Variants in PRTG observed in about 807,000 individuals in gnomAD.
PRTG encodes the protein immunoglobulin superfamily, DCC subclass, member 5.
PRTG carries 67 observed loss-of-function variants against 122.5 expected under a neutral mutation model. The observed-to-expected ratio is 0.55, with a 90% CI of 0.45 to 0.67. The LOEUF (loss-of-function observed/expected upper bound fraction) is 0.67, where lower values mean the gene tolerates loss of function less well. PRTG is among the 30% of genes least tolerant of loss of function. The pLI is 0.00. For synonymous variants in PRTG, 554 were observed against 501.1 expected (o/e 1.11, Z -1.41); for missense variants, 1,435 against 1,415.4 (o/e 1.01, Z -0.22).
intron 3 of PRTG, among the ~76,000 whole-genome samples, chr15:55,683,196 T>A (rs569080973): frequency 4.6e-5 from 7 of 151,958 alleles, no homozygotes; most frequent in East Asian, 1.9e-4. Context: ...TTTTTTTTTT[T>A]AAATAAAGCA....
Position 55,630,282 on chromosome 15 carries a change from G to A in PRTG, c.2624-1278C>T, listed in dbSNP as rs988837022. On this transcript the variant is annotated intron_variant, in intron 15 of 19. Transcript: ENST00000389286. The stretch of plus-strand genomic sequence containing the variant: ...ATTACAGGCATGAGCCACCACGCCC[G>A]GCCAATTCTTTTGTATTTTTAATAG... Among the ~76,000 whole-genome samples, 5 of 151,544 alleles carry A rather than the reference G, an allele frequency of 3.3e-5. No homozygotes were observed. In the East Asian group the frequency reaches 5.8e-4, roughly 18 times the overall value.
chr15:55,720,957 G>A lies in PRTG; in HGVS notation c.397+19425C>T, dbSNP rs546257068. On this transcript the variant is annotated intron_variant, in intron 2 of 19. Coordinates refer to ENST00000389286, the MANE Select transcript of PRTG (RefSeq NM_173814.6). Reference sequence around the variant, plus strand: ...GCTTTCTTGGATCACCTGCTGGATGGTCCACCTAGACATCCCACAGTCACC... The same window carrying A: ...GCTTTCTTGGATCACCTGCTGGATGATCCACCTAGACATCCCACAGTCACC... Among the ~76,000 whole-genome samples the A allele has an allele frequency of 2.0e-5, 3 of 152,030 alleles. No individual in the cohort carries two copies. The South Asian group carries it at 6.3e-4, about 32-fold the overall frequency.
intron 2 of PRTG, among the ~76,000 whole-genome samples, chr15:55,727,582 G>C (rs1413602197): frequency 6.6e-6 from 1 of 152,152 alleles, no homozygotes; most frequent in Non-Finnish European, 1.5e-5. Flanking sequence ...GACTGCCTGA[G>C]GTGAGGAATT....
At chr15:55,728,372 C>A (rs1230810004) in intron 2 of PRTG, among the ~76,000 whole-genome samples, 1 of 151,994 alleles carries the variant, frequency 6.6e-6, no homozygotes, top group East Asian at 1.9e-4. Flanking sequence ...AAACTGTTAG[C>A]AAACCAAGTC....
Position 55,680,494 on chromosome 15 carries a change from G to A in PRTG, c.811C>T (p.Leu271Phe). The A allele has an allele frequency of 6.3e-7, 1 of 1,585,086 alleles. No homozygotes were observed. ...NPKPIISWSR[L>F]DHKSIDVFNT... is the part of the protein sequence containing the mutation. ...TTTTTTTCCTGAGAAGACTTACCAA[G>A]GCGGCTCCAAGAAATGATTGGTTTG... Residue 271 changes from leucine (L) to phenylalanine (F), a missense_variant, in exon 5 of 20, where the codon CTT (leucine) becomes TTT (phenylalanine). Coordinates refer to ENST00000389286, the MANE Select transcript of PRTG (RefSeq NM_173814.6).
At position 55,614,251 on chromosome 15, in the gene PRTG, A is replaced by C. The variant is rs1279471392; in HGVS notation, c.*5761T>G. On this transcript the variant is annotated 3_prime_UTR_variant, in exon 20 of 20. Transcript: ENST00000389286. ...GGAAAAGGCCGATTGGAACCAAAAA[A>C]GAATGACAAGAAAGATCAAATTTCC... 6.6e-6 allele frequency: 1 copy of C among 152,134 alleles called. No individual in the cohort carries two copies. Among genetic ancestry groups the C allele is most frequent in the Non-Finnish European group, 1.5e-5 (1 of 67,980 alleles). 9.4% of individuals were successfully genotyped at this position (152,134 alleles called of 1,614,324 possible).
rs902621674 is a variant in PRTG at position 55,624,480 on chromosome 15, C to T, written c.2955G>A (p.Gln985=). ...TACGAGGTAACTGTTGAGTTCCATT[C>T]TGTGCCGTCTTGGAAGCAGATGATT... ...ARKSSASKTA[Q]NGTQQLPRTS... Residue 985 remains glutamine (Q), a synonymous_variant, in exon 18 of 20, where the codon CAG becomes CAA. Transcript: ENST00000389286. 5.0e-6 allele frequency: 8 copies of T among 1,613,092 alleles called. No homozygotes were observed. Among genetic ancestry groups the T allele is most frequent in the African/African-American group, 2.7e-5 (2 of 75,026 alleles).
In PRTG at chr15:55,741,825, G is replaced by T. The variant is rs531016801; in HGVS notation, c.94+1013C>A. On this transcript the variant is annotated intron_variant, in intron 1 of 19. Coordinates refer to ENST00000389286, the MANE Select transcript of PRTG (RefSeq NM_173814.6). Reference sequence around the variant, plus strand: ...ACCCTAACAGCCCAGCGCTGTGCGCGGACCACTCCGGAAGGCGCCCATTGT... The same window carrying T: ...ACCCTAACAGCCCAGCGCTGTGCGCTGACCACTCCGGAAGGCGCCCATTGT... Among the ~76,000 whole-genome samples the T allele has an allele frequency of 4.6e-5, 7 of 152,322 alleles. No individual in the cohort carries two copies. In the East Asian group the frequency reaches 9.6e-4, roughly 21 times the overall value.
intron 11 of PRTG, among the ~76,000 whole-genome samples, chr15:55,643,578 T>G (rs2059304304): frequency 6.6e-6 from 1 of 152,000 alleles, no homozygotes; most frequent in Non-Finnish European, 1.5e-5. Context: ...AGACTACAGG[T>G]GCACACCACC....
rs1419446153 is a variant in PRTG, at chr15:55,742,865, G to A, written c.67C>T (p.Leu23Phe). Residue 23 changes from leucine (L) to phenylalanine (F), a missense_variant, in exon 1 of 20, where the codon CTC becomes TTC. By Grantham distance (22) the Leu-to-Phe change is conservative. Transcript: ENST00000389286. ...GGCAAAGGACTGAGCAGCAGCAGGA[G>A]CAGGAGCGCGCGGAGCAGCATCCCC... ...PPGMLLRALLLLLLLSPLPGV... is the reference protein window; with the variant it reads ...PPGMLLRALLFLLLLSPLPGV... 9 of 1,537,380 alleles carry A rather than the reference G, an allele frequency of 5.9e-6. No individual in the cohort carries two copies. Among genetic ancestry groups the A allele is most frequent in the Admixed American group, 4.0e-5 (2 of 50,540 alleles).
chr15:55,613,638 G>A lies in PRTG; in HGVS notation c.*6374C>T, dbSNP rs188108876. On this transcript the variant is annotated 3_prime_UTR_variant, in exon 20 of 20. Coordinates refer to ENST00000389286, the MANE Select transcript of PRTG (RefSeq NM_173814.6). ...TAAATAAGGTAGTCTTCTCTTTTTC[G>A]ATTGGTTATTACTCTGTAGAAAGGT... 6.6e-6 allele frequency: 1 copy of A among 151,842 alleles called. No homozygotes were observed. Among genetic ancestry groups the A allele is most frequent in the South Asian group, 2.1e-4 (1 of 4,816 alleles). 9.4% of individuals were successfully genotyped at this position (151,842 alleles called of 1,614,324 possible).
chr15:55,663,184 T>C (rs1024857521), intron 11 of PRTG, among the ~76,000 whole-genome samples: 2 of 152,200 alleles, frequency 1.3e-5, no homozygotes, highest in African/African-American at 4.8e-5. Flanking sequence ...CTGTGGGTTC[T>C]ACATTCAATC....
rs1217601394 is a variant in PRTG, at chr15:55,620,764, C to T, written c.3097G>A (p.Gly1033Arg). 3 of 1,583,522 alleles carry T rather than the reference C, an allele frequency of 1.9e-6. No individual in the cohort carries two copies. The highest frequency in any genetic ancestry group is 2.6e-6 in the Non-Finnish European group (3 of 1,171,304). The change falls in exon 19 of 20, where the codon GGA becomes AGA. Residue 1033 changes from glycine to arginine, a missense_variant. Gly to Arg is a moderately radical substitution (Grantham distance 125). Coordinates refer to ENST00000389286, the MANE Select transcript of PRTG (RefSeq NM_173814.6). ...TAGCTATTAATTATCAGGTCAGTTC[C>T]TCCCTGAGGAAATAAAAGAGGGGAA... ...MPNSFIDAKG[G>R]TDLIINSYGP...
Position 55,641,249 on chromosome 15 carries a change from T to C in PRTG, c.2042-41A>G, listed in dbSNP as rs372569163. On this transcript the variant is annotated intron_variant, in intron 11 of 19. Coordinates refer to ENST00000389286, the MANE Select transcript of PRTG (RefSeq NM_173814.6). ...TAGGAAATAATTAGGACCAGGTCTC[T>C]AGATCTGAGCAAAGGTTCTGAATGA... 3.0e-5 allele frequency: 43 copies of C among 1,427,556 alleles called. No individual in the cohort carries two copies. In the African/African-American group the frequency reaches 3.5e-4, roughly 12 times the overall value. 88.4% of individuals were successfully genotyped at this position (1,427,556 alleles called of 1,614,324 possible). A position where few individuals can be genotyped will look rare whatever the true frequency, so the allele number is the denominator to read the frequency against.
Position 55,619,706 on chromosome 15 carries a change from A to G in PRTG, c.*306T>C, listed in dbSNP as rs2059155862. 3.3e-6 allele frequency: 1 copy of G among 305,154 alleles called. No homozygotes were observed. The highest frequency in any genetic ancestry group is 6.5e-5 in the East Asian group (1 of 15,366). 18.9% of individuals were successfully genotyped at this position (305,154 alleles called of 1,614,324 possible). A position where few individuals can be genotyped will look rare whatever the true frequency, so the allele number is the denominator to read the frequency against. ...TCTTTCACATTGCTGACAATGAAAC[A>G]TTCAAATTACACAAGTTTAAAAATA... On this transcript the variant is annotated 3_prime_UTR_variant, in exon 20 of 20. Transcript: ENST00000389286.
At chr15:55,651,180 CATCCACTCCTACAAAGTGGCTTGAA>C (rs1313182207) in intron 11 of PRTG, among the ~76,000 whole-genome samples, 1 of 152,094 alleles carries the variant, frequency 6.6e-6, no homozygotes, top group Non-Finnish European at 1.5e-5. Flanking sequence ...CAAAGAATGG[CATCCACTCCTACAAAGTGGCTTGAA>C]ACCTTTCCCC....
chr15:55,636,501 C>A (rs1171856706), intron 15 of PRTG, among the ~76,000 whole-genome samples: 1 of 152,048 alleles, frequency 6.6e-6, no homozygotes, highest in Non-Finnish European at 1.5e-5. Context: ...ATTTTAACTC[C>A]CAAATACCGG....
At chr15:55,656,405 T>C in intron 11 of PRTG, 2 of 447,068 alleles carry the variant, frequency 4.5e-6, no homozygotes, top group Non-Finnish European at 8.9e-6. Flanking sequence ...GACTTTAATT[T>C]AGGGTACTTT....
chr15:55,683,757 T>C, intron 3 of PRTG, 30 bp downstream of exon 3: 1 of 1,592,598 alleles, frequency 6.3e-7, no homozygotes, highest in Non-Finnish European at 8.6e-7. Flanking sequence ...TACTCCCATA[T>C]CATCTCCAAA....
Sources: gnomAD v4.1 joint callset for allele counts (sites outside exome capture counted in the v4.1 genomes callset) on GRCh38, gnomAD v4.1.1 for gene constraint, MANE v1.5 for transcripts, NCBI Gene and HGNC (gene_info 2026-07-23, HGNC 2026-07-21) for gene names.